The following SOX6 variants were observed in gnomAD, a reference collection of about 807,000 sequenced individuals.
SOX6 encodes the protein SRY-box transcription factor 6.
Under a neutral mutation model 97.8 loss-of-function variants are expected in SOX6, and 11 were observed. The observed-to-expected ratio is 0.11, with a 90% CI of 0.07 to 0.19. The LOEUF is 0.19. Ranked by LOEUF, SOX6 falls within the 10% of genes least tolerant of loss-of-function variation. The pLI is 1.00. For synonymous variants in SOX6, 360 were observed against 371.4 expected (o/e 0.97, Z 0.35); for missense variants, 810 against 1,039.5 (o/e 0.78, Z 3.04).
chr11:16,639,152 C>T (rs886410796), intron 3 of SOX6, among the ~76,000 whole-genome samples: 12 of 152,194 alleles, frequency 7.9e-5, no homozygotes, highest in Admixed American at 6.5e-4. Context: ...GTTTTCCCAG[C>T]ACCATTTGTT....
chr11:16,474,409 A>G (rs1177798240), intron 1 of SOX6, among the ~76,000 whole-genome samples: 1 of 152,202 alleles, frequency 6.6e-6, no homozygotes, highest in African/African-American at 2.4e-5. Flanking sequence ...GCCTTACAAA[A>G]TGTACTTCTG....
Position 16,077,048 on chromosome 11 carries a change from C to T in SOX6, c.1101+18948G>A, listed in dbSNP as rs558278722. On this transcript the variant is annotated intron_variant, in intron 9 of 15. Coordinates refer to ENST00000683767, the MANE Select transcript of SOX6 (RefSeq NM_001367873.1). ...GATTACAGGCGTGAGCCACCGCGCC[C>T]GGCCGGTACTACACATTTTTAAACA... is the stretch of plus-strand genomic sequence containing the variant. Among the ~76,000 whole-genome samples the T allele has an allele frequency of 5.3e-5, 8 of 152,222 alleles. No individual in the cohort carries two copies. In the South Asian group the frequency reaches 1.5e-3, roughly 28 times the overall value.
chr11:16,160,806 CTT>C (rs1379011696), intron 6 of SOX6, among the ~76,000 whole-genome samples: 2 of 152,138 alleles, frequency 1.3e-5, no homozygotes, highest in Non-Finnish European at 2.9e-5. Context: ...CCATGAATGA[CTT>C]TAAAATATTT....
At chr11:16,527,476 A>G (rs546299551) in intron 4 of SOX6, among the ~76,000 whole-genome samples, 6 of 152,204 alleles carry the variant, frequency 3.9e-5, no homozygotes, top group African/African-American at 1.4e-4. Flanking sequence ...GGAATCTAAC[A>G]TGTCTTAGAA....
intron 10 of SOX6, among the ~76,000 whole-genome samples, chr11:16,052,130 A>G (rs1847701648): frequency 6.6e-6 from 1 of 151,816 alleles, no homozygotes; most frequent in South Asian, 2.1e-4. Context: ...ACTTTGAAAT[A>G]CTCTAATTTT....
At chr11:16,583,373 A>G (rs1848048650) in intron 4 of SOX6, among the ~76,000 whole-genome samples, 1 of 151,442 alleles carries the variant, frequency 6.6e-6, no homozygotes, top group East Asian at 1.9e-4. Flanking sequence ...GTAGAACACT[A>G]GAACTTATTC....
chr11:16,524,289 T>G (rs1378369027), intron 4 of SOX6, among the ~76,000 whole-genome samples: 3 of 151,462 alleles, frequency 2.0e-5, no homozygotes, highest in Non-Finnish European at 4.4e-5. Flanking sequence ...CATGATCAAG[T>G]GGGCTTCATC....
At position 16,492,331 on chromosome 11, in the gene SOX6, G is replaced by A. The variant is rs145195597; in HGVS notation, n.610-15943C>T. ...CTGCAATGGACAGTCCCATGCAAGCGCAGACTGGCCTTGCTAGTATCTCAT... is the reference window on the plus strand; with the variant it reads ...CTGCAATGGACAGTCCCATGCAAGCACAGACTGGCCTTGCTAGTATCTCAT... On this transcript the variant is annotated intron_variant and non_coding_transcript_variant, in intron 4 of 5. Coordinates refer to the SOX6 transcript ENST00000524520. Among the ~76,000 whole-genome samples the A allele has an allele frequency of 2.3e-3, 355 of 152,298 alleles. 3 individuals are homozygous for A. The highest frequency in any genetic ancestry group is 3.6e-3 in the Non-Finnish European group (247 of 68,030).
At chr11:16,329,587 T>C (rs1474321111) in intron 2 of SOX6, among the ~76,000 whole-genome samples, 3 of 152,232 alleles carry the variant, frequency 2.0e-5, no homozygotes, top group African/African-American at 7.2e-5. Context: ...ACAAGTTAGT[T>C]AACTTCTTTT....
At chr11:16,426,885 G>A (rs1026028780) in intron 1 of SOX6, among the ~76,000 whole-genome samples, 3 of 118,468 alleles carry the variant, frequency 2.5e-5, no homozygotes, top group African/African-American at 9.8e-5. Flanking sequence ...CTGCACTCCA[G>A]CCTGGGCGAC....
chr11:16,540,781 T>G (rs1464327187), intron 4 of SOX6, among the ~76,000 whole-genome samples: 2 of 152,090 alleles, frequency 1.3e-5, no homozygotes, highest in Non-Finnish European at 2.9e-5. Context: ...GAAGGACCTC[T>G]TCAAGGAGAA....
chr11:16,655,656 T>C (rs1301674121), intron 3 of SOX6, among the ~76,000 whole-genome samples: 1 of 152,218 alleles, frequency 6.6e-6, no homozygotes, highest in African/African-American at 2.4e-5. Context: ...AAAATTTTCT[T>C]CATTCTCTTG....
At chr11:16,451,038 G>A (rs1383626319) in intron 1 of SOX6, among the ~76,000 whole-genome samples, 6 of 152,018 alleles carry the variant, frequency 3.9e-5, no homozygotes, top group East Asian at 3.9e-4. Context: ...GTTGACCAGC[G>A]TGGGCAACAT....
At chr11:16,140,134 G>A (rs530415426) in intron 6 of SOX6, among the ~76,000 whole-genome samples, 1 of 151,818 alleles carries the variant, frequency 6.6e-6, no homozygotes, top group East Asian at 1.9e-4. Flanking sequence ...TCATCCTCCT[G>A]AGCCACTTCC....
intron 1 of SOX6, among the ~76,000 whole-genome samples, chr11:16,363,879 T>A (rs1331404246): frequency 6.6e-6 from 1 of 151,842 alleles, no homozygotes; most frequent in African/African-American, 2.4e-5. Flanking sequence ...CAGATAAGCA[T>A]GGAAATTTGC....
chr11:16,638,539 G>T (rs541121210), intron 3 of SOX6, among the ~76,000 whole-genome samples: 13 of 151,990 alleles, frequency 8.6e-5, no homozygotes, highest in Non-Finnish European at 1.6e-4. Context: ...CCACCAACAG[G>T]GTAAAAGTGT....
intron 4 of SOX6, among the ~76,000 whole-genome samples, chr11:16,588,441 G>C (rs552934091): frequency 6.6e-6 from 1 of 152,156 alleles, no homozygotes; most frequent in African/African-American, 2.4e-5. Flanking sequence ...AAGAAGAAAA[G>C]AGAGTACTGA....
At chr11:16,042,944 C>T (rs367581855) in intron 12 of SOX6, among the ~76,000 whole-genome samples, 11 of 152,104 alleles carry the variant, frequency 7.2e-5, no homozygotes, top group Admixed American at 2.6e-4. Flanking sequence ...ATAACACCTA[C>T]GCAGGAAAGC....
intron 1 of SOX6, among the ~76,000 whole-genome samples, chr11:16,405,415 A>G (rs1159499483): frequency 6.6e-6 from 1 of 151,944 alleles, no homozygotes; most frequent in Non-Finnish European, 1.5e-5. Flanking sequence ...TGATGAATTA[A>G]CCAAGTACAG....
Sources: gnomAD v4.1 joint callset for allele counts (sites outside exome capture counted in the v4.1 genomes callset) on GRCh38, gnomAD v4.1.1 for gene constraint, MANE v1.5 for transcripts, NCBI Gene and HGNC (gene_info 2026-07-23, HGNC 2026-07-21) for gene names.